Variants in ITIH2 observed in about 807,000 individuals in gnomAD.
The protein encoded by ITIH2 is inter-alpha-trypsin inhibitor heavy chain 2.
ITIH2 carries 103 observed loss-of-function variants against 104.4 expected under a neutral mutation model. That is an observed-to-expected ratio of 0.99 (90% CI 0.84 to 1.16). ITIH2 has a LOEUF of 1.16. Ranked by LOEUF, ITIH2 falls within the 50% of genes most tolerant of loss-of-function variation. The pLI is 0.00. For missense variants in ITIH2, 1,108 were observed against 1,162.4 expected (o/e 0.95, Z 0.68); for synonymous variants, 436 against 435.4 (o/e 1.00, Z -0.02).
intron 1 of ITIH2, 90 bp downstream of exon 1, chr10:7,703,608 G>C: frequency 1.3e-6 from 1 of 767,806 alleles, no homozygotes; most frequent in Non-Finnish European, 2.3e-6. Flanking sequence ...GCCTTATTCT[G>C]TGTGTAATGG....
Position 7,744,248 on chromosome 10 carries a change from C to A in ITIH2, c.2376C>A (p.Ser792=), listed in dbSNP as rs1197181564. 1.2e-6 allele frequency: 2 copies of A among 1,613,982 alleles called. No homozygotes were observed. The highest frequency in any genetic ancestry group is 2.7e-5 in the African/African-American group (2 of 74,914). The change falls in exon 18 of 21, where the codon TCC becomes TCA. Residue 792 remains serine (S), a synonymous_variant. Transcript: ENST00000358415. The part of the protein sequence containing the change: ...LSHGSSTFSL[S]WSDTAQVTNQ... ...ATGGTTCTAGCACATTCTCCTTGTC[C>A]TGGTCCGACACGGCTCAAGTCACGA...
intron 2 of ITIH2, among the ~76,000 whole-genome samples, chr10:7,706,290 G>C (rs575210467): frequency 6.6e-6 from 1 of 152,128 alleles, no homozygotes; most frequent in Non-Finnish European, 1.5e-5. Context: ...AGTTCACCCC[G>C]AATCAGGCAA....
rs756554763 is a variant in ITIH2 at position 7,746,717 on chromosome 10, C to T, written c.2693+13C>T. On this transcript the variant is annotated intron_variant, in intron 20 of 20. Coordinates refer to ENST00000358415, the MANE Select transcript of ITIH2 (RefSeq NM_002216.3). Reference sequence around the variant, plus strand: ...TGATCATCACCAGGTAGGCCTCGGGCGTAAGGACAGTGACGAAAAGGCCTT... The same window carrying T: ...TGATCATCACCAGGTAGGCCTCGGGTGTAAGGACAGTGACGAAAAGGCCTT... The T allele has an allele frequency of 5.1e-5, 79 of 1,549,328 alleles. No individual in the cohort carries two copies. Among genetic ancestry groups the T allele is most frequent in the South Asian group, 3.9e-4 (35 of 89,248 alleles).
chr10:7,715,086 C>A (rs1834835025), intron 5 of ITIH2, among the ~76,000 whole-genome samples: 1 of 152,176 alleles, frequency 6.6e-6, no homozygotes, highest in Non-Finnish European at 1.5e-5. Flanking sequence ...AGAGGAAATG[C>A]CTCTAGCCTT....
Position 7,732,390 on chromosome 10 carries a change from A to G in ITIH2, c.1700A>G (p.Asp567Gly). 6 of 1,614,064 alleles carry G rather than the reference A, an allele frequency of 3.7e-6. No individual in the cohort carries two copies. The highest frequency in any genetic ancestry group is 5.1e-6 in the Non-Finnish European group (6 of 1,179,978). Residue 567 changes from aspartate to glycine, a missense_variant, in exon 14 of 21, where the codon GAT becomes GGT. Asp to Gly is a moderately conservative substitution (Grantham distance 94, BLOSUM62 -1). Transcript: ENST00000358415. ...CTGGCCCAGATGGACGACTTGCAGG[A>G]TTTTCTATCGAAAGACAAGCATGCA... Reference protein sequence around the residue: ...ETLAQMDDLQDFLSKDKHADP... With the variant: ...ETLAQMDDLQGFLSKDKHADP...
At chr10:7,737,717 CTATATAATATTCTATAT>C (rs1835077372) in intron 15 of ITIH2, among the ~76,000 whole-genome samples, 1 of 42,232 alleles carries the variant, frequency 2.4e-5, no homozygotes, top group Admixed American at 4.4e-4. Context: ...ATATTATATT[CTATATAATATTCTATAT>C]TATATTCTAT....
chr10:7,729,476 T>G (rs955404264), intron 11 of ITIH2, among the ~76,000 whole-genome samples: 1 of 152,222 alleles, frequency 6.6e-6, no homozygotes, highest in Non-Finnish European at 1.5e-5. Flanking sequence ...ATATACATGT[T>G]TGCACACATG....
intron 12 of ITIH2, 37 bp from the exon 13 acceptor site, chr10:7,731,774 G>A (rs1835004974): frequency 2.1e-6 from 3 of 1,400,670 alleles, no homozygotes; most frequent in Middle Eastern, 1.8e-4. Flanking sequence ...CAAAGCAGTA[G>A]GAACATAATT....
chr10:7,741,339 C>T (rs772360203), intron 16 of ITIH2, among the ~76,000 whole-genome samples: 18 of 152,066 alleles, frequency 1.2e-4, no homozygotes, highest in East Asian at 9.7e-4. Flanking sequence ...CCACCACACC[C>T]GGCTAATTTT....
chr10:7,729,547 C>T (rs1332428997), intron 11 of ITIH2, among the ~76,000 whole-genome samples: 14 of 152,066 alleles, frequency 9.2e-5, no homozygotes, highest in Admixed American at 9.2e-4. Flanking sequence ...CAAATGCATC[C>T]TAGGTACCCT....
Position 7,721,892 on chromosome 10 carries a change from G to A in ITIH2, c.867+115G>A, listed in dbSNP as rs1021534183. The A allele has an allele frequency of 4.0e-5, 45 of 1,125,022 alleles. 1 individual carries two copies. Among genetic ancestry groups the A allele is most frequent in the Non-Finnish European group, 5.8e-5 (45 of 777,194 alleles). 69.7% of individuals were successfully genotyped at this position (1,125,022 alleles called of 1,614,324 possible). On this transcript the variant is annotated intron_variant, in intron 8 of 20. Transcript: ENST00000358415. ...CTAGCTGCCAGGGCAAGTGTTTCTA[G>A]CTGCAGAGAAGGGACTAAAATCATA...
intron 15 of ITIH2, among the ~76,000 whole-genome samples, chr10:7,735,493 A>T (rs1379198594): frequency 3.3e-5 from 5 of 152,152 alleles, no homozygotes; most frequent in African/African-American, 1.2e-4. Flanking sequence ...CGAGCCCAGG[A>T]GGACCACTGC....
chr10:7,712,145 A>C (rs1022432269), intron 4 of ITIH2, among the ~76,000 whole-genome samples: 1 of 152,200 alleles, frequency 6.6e-6, no homozygotes, highest in Non-Finnish European at 1.5e-5. Flanking sequence ...GCTATGACTA[A>C]GTACCATAAA....
intron 18 of ITIH2, 84 bp downstream of exon 18, chr10:7,744,364 G>GA (rs35255593): frequency 7.1e-5 from 81 of 1,140,500 alleles, no homozygotes; most frequent in Non-Finnish European, 9.4e-5. Flanking sequence ...CATCAACATT[G>GA]AAAAAAAATC....
chr10:7,710,025 C>T (rs7917537), intron 4 of ITIH2, among the ~76,000 whole-genome samples: 23,811 of 151,974 alleles, frequency 0.16, 3,209 homozygotes, highest in African/African-American at 0.35. Context: ...GGCTAATTTT[C>T]GTATTTTTAG....
intron 9 of ITIH2, among the ~76,000 whole-genome samples, chr10:7,725,264 T>C (rs996217982): frequency 6.6e-6 from 1 of 152,196 alleles, no homozygotes; most frequent in Non-Finnish European, 1.5e-5. Context: ...GTCATCTAAA[T>C]AGGTGGTTTC....
intron 4 of ITIH2, among the ~76,000 whole-genome samples, chr10:7,711,382 C>T (rs901854214): frequency 2.6e-5 from 4 of 152,166 alleles, no homozygotes; most frequent in African/African-American, 7.2e-5. Context: ...CATGCATTTA[C>T]TTTTATCTCC....
In ITIH2 at chr10:7,744,063, A is replaced by AT. The variant is rs759186628; in HGVS notation, c.2210-12dup. 3.8e-6 allele frequency: 6 copies of AT among 1,599,484 alleles called. No homozygotes were observed. The highest frequency in any genetic ancestry group is 4.3e-6 in the Non-Finnish European group (5 of 1,168,096). On this transcript the variant is annotated intron_variant, in intron 17 of 20. Coordinates refer to ENST00000358415, the MANE Select transcript of ITIH2 (RefSeq NM_002216.3). Reference sequence around the variant, plus strand: ...TAAATGGCACAGAAGAGAAAACATCATTTTTTTCTTTCCTGTAGGAATTGT... The same window carrying AT: ...TAAATGGCACAGAAGAGAAAACATCATTTTTTTTCTTTCCTGTAGGAATTGT...
intron 3 of ITIH2, among the ~76,000 whole-genome samples, 164 bp from the exon 4 acceptor site, chr10:7,708,855 TAGG>T (rs1834770519): frequency 6.6e-6 from 1 of 152,174 alleles, no homozygotes; most frequent in Admixed American, 6.5e-5. Context: ...TCCAAGAAGT[TAGG>T]AGAATGCTTA....
Sources: allele counts gnomAD v4.1 joint callset (sites outside exome capture counted in the v4.1 genomes callset), GRCh38; gene constraint gnomAD v4.1.1; transcripts MANE v1.5; gene names NCBI Gene and HGNC (gene_info 2026-07-23, HGNC 2026-07-21).